The following TULP4 variants were observed in gnomAD, a reference collection of about 807,000 sequenced individuals.
TULP4 encodes the protein tubby-related protein 4.
In TULP4, 16 loss-of-function variants were observed where a neutral mutation model predicts 129.0. The observed-to-expected ratio is 0.12, with a 90% CI of 0.08 to 0.19. The LOEUF is 0.19. Ranked by LOEUF, TULP4 falls within the 10% of genes least tolerant of loss-of-function variation. The probability of loss-of-function intolerance (pLI) is 1.00; values close to 1 mark genes in which losing one functional copy is unlikely to be tolerated. For synonymous variants in TULP4, 998 were observed against 854.0 expected, an observed-to-expected ratio of 1.17 and a Z score of -2.94; for missense variants, 1,842 against 2,059.1, an observed-to-expected ratio of 0.89 and a Z score of 2.04.
chr6:158,454,027 C>G (rs1048793591), intron 5 of TULP4, among the ~76,000 whole-genome samples: 2 of 148,812 alleles, frequency 1.3e-5, no homozygotes, highest in African/African-American at 5.0e-5. Flanking sequence ...CACCGCCCCC[C>G]CCCAAGTAAT....
intron 3 of TULP4, among the ~76,000 whole-genome samples, chr6:158,439,239 GTTC>G (rs1471503834): frequency 6.6e-6 from 1 of 152,138 alleles, no homozygotes; most frequent in Non-Finnish European, 1.5e-5. Flanking sequence ...GAAGAGGTCT[GTTC>G]TTTGATAGAA....
At chr6:158,339,996 G>C (rs1019804110) in intron 1 of TULP4, among the ~76,000 whole-genome samples, 3 of 152,228 alleles carry the variant, frequency 2.0e-5, no homozygotes, top group South Asian at 2.1e-4. Flanking sequence ...TGGTCCCTCT[G>C]TTCGGGGTCC....
At chr6:158,303,670 T>G (rs1282259068) in intron 1 of TULP4, among the ~76,000 whole-genome samples, 1 of 152,232 alleles carries the variant, frequency 6.6e-6, no homozygotes, top group Non-Finnish European at 1.5e-5. Flanking sequence ...ACTTTGTATG[T>G]GAATACCTTA....
intron 9 of TULP4, among the ~76,000 whole-genome samples, chr6:158,491,374 T>C (rs576841648): frequency 2.6e-5 from 4 of 152,216 alleles, no homozygotes; most frequent in East Asian, 1.9e-4. Flanking sequence ...TTGGGTTGTT[T>C]TATTGAGTTA....
At position 158,495,098 on chromosome 6, in the gene TULP4, C is replaced by T. The variant is rs553183967; in HGVS notation, c.1870+252C>T. Among the ~76,000 whole-genome samples, 6 of 151,766 alleles carry T rather than the reference C, an allele frequency of 4.0e-5. No homozygotes were observed. In the East Asian group the frequency reaches 1.2e-3, roughly 29 times the overall value. ...TTTTTTTTTGAGATAGTGTCTTACC[C>T]AGGCTGGAGTATAGTGACACGATCA... is the stretch of plus-strand genomic sequence containing the variant. On this transcript the variant is annotated intron_variant, in intron 11 of 13. Transcript: ENST00000367097.
chr6:158,396,996 G>T (rs1370345998), intron 1 of TULP4, among the ~76,000 whole-genome samples: 1 of 152,200 alleles, frequency 6.6e-6, no homozygotes, highest in African/African-American at 2.4e-5. Flanking sequence ...AGCTGATGCA[G>T]TTATGGAAGG....
chr6:158,396,660 A>G (rs892997225), intron 1 of TULP4, among the ~76,000 whole-genome samples: 2 of 152,234 alleles, frequency 1.3e-5, no homozygotes, highest in African/African-American at 4.8e-5. Context: ...ATGCATAAAA[A>G]GAAGGTAAAA....
At chr6:158,412,938 C>A in intron 1 of TULP4, 127 bp from the exon 2 acceptor site, 1 of 1,326,886 alleles carries the variant, frequency 7.5e-7, no homozygotes, top group Non-Finnish European at 1.0e-6. Context: ...CTGATCCCTG[C>A]ATTCGCCCCC....
chr6:158,297,264 A>T (rs747425656), intron 1 of TULP4, among the ~76,000 whole-genome samples: 4 of 152,188 alleles, frequency 2.6e-5, no homozygotes, highest in Non-Finnish European at 4.4e-5. Context: ...AAGAAGAAAA[A>T]TATGGCTGTA....
chr6:158,401,293 C>T (rs1033348111), intron 1 of TULP4, among the ~76,000 whole-genome samples: 1 of 152,106 alleles, frequency 6.6e-6, no homozygotes, highest in Admixed American at 6.5e-5. Flanking sequence ...AGGCTGGTCT[C>T]GAACTCCTGG....
intron 1 of TULP4, among the ~76,000 whole-genome samples, chr6:158,409,207 T>C (rs341168): frequency 0.24 from 37,011 of 152,132 alleles, 5,714 homozygotes; most frequent in Non-Finnish European, 0.35. Context: ...GTAGGCTTTC[T>C]GCAGTTCTGC....
In TULP4 at chr6:158,508,415, A is replaced by G. The variant is rs1780652362; in HGVS notation, c.*1721A>G. Reference sequence around the variant, plus strand: ...CGACCCATTTTTTTCCCAGATCAAGATGACATGACATCACTCCCAATTCTC... The same window carrying G: ...CGACCCATTTTTTTCCCAGATCAAGGTGACATGACATCACTCCCAATTCTC... On this transcript the variant is annotated 3_prime_UTR_variant, in exon 14 of 14. Transcript: ENST00000367097. 6.6e-6 allele frequency: 1 copy of G among 152,230 alleles called. No individual in the cohort carries two copies. The highest frequency in any genetic ancestry group is 1.5e-5 in the Non-Finnish European group (1 of 68,044). The allele number at this position is 152,230 out of a possible 1,614,324, so 9.4% of individuals were successfully genotyped here.
At chr6:158,449,249 T>C (rs867304124) in intron 4 of TULP4, 73 bp downstream of exon 4, 2 of 1,451,250 alleles carry the variant, frequency 1.4e-6, no homozygotes, top group Non-Finnish European at 1.8e-6. Context: ...AGTAGACTGA[T>C]GTGGAGGAGG....
intron 5 of TULP4, among the ~76,000 whole-genome samples, chr6:158,452,530 T>A (rs767195609): frequency 6.6e-6 from 1 of 152,258 alleles, no homozygotes; most frequent in East Asian, 1.9e-4. Flanking sequence ...ATGACAAGAA[T>A]GATCCTCTCT....
intron 2 of TULP4, among the ~76,000 whole-genome samples, chr6:158,415,099 A>C (rs1778177925): frequency 6.6e-6 from 1 of 152,198 alleles, no homozygotes; most frequent in Non-Finnish European, 1.5e-5. Context: ...TTCAGTTATC[A>C]CAGACTGCAT....
chr6:158,424,894 C>T (rs374680786), intron 2 of TULP4, among the ~76,000 whole-genome samples: 141 of 151,896 alleles, frequency 9.3e-4, no homozygotes, highest in African/African-American at 3.2e-3. Context: ...TGGCTCGTAC[C>T]GGTAATCCCA....
intron 1 of TULP4, among the ~76,000 whole-genome samples, chr6:158,253,872 TA>T (rs1197869560): frequency 6.6e-6 from 1 of 151,988 alleles, no homozygotes; most frequent in African/African-American, 2.4e-5. Flanking sequence ...CCGTCTCTAC[TA>T]AAAATAGAAA....
At chr6:158,439,492 CAGAGCAGCTCTCACTTCCTCAA>C (rs1011275668) in intron 3 of TULP4, among the ~76,000 whole-genome samples, 6 of 151,962 alleles carry the variant, frequency 3.9e-5, no homozygotes, top group African/African-American at 7.2e-5. Context: ...TCCACCCACC[CAGAGCAGCTCTCACTTCCTCAA>C]AGAGCAGCTC....
chr6:158,446,583 A>G (rs1248074539), intron 3 of TULP4, among the ~76,000 whole-genome samples: 1 of 152,216 alleles, frequency 6.6e-6, no homozygotes, highest in Non-Finnish European at 1.5e-5. Flanking sequence ...TGTGTTGTAC[A>G]TCATGACAGG....
Sources: allele counts gnomAD v4.1 joint callset (sites outside exome capture counted in the v4.1 genomes callset), GRCh38; gene constraint gnomAD v4.1.1; transcripts MANE v1.5; gene names NCBI Gene and HGNC (gene_info 2026-07-23, HGNC 2026-07-21).